The following DPP6 variants were observed in gnomAD, a reference collection of about 807,000 sequenced individuals.
The protein encoded by DPP6 is dipeptidyl peptidase like 6.
Under a neutral mutation model 122.6 loss-of-function variants are expected in DPP6, and 69 were observed. The ratio of observed to expected loss-of-function variants is 0.56; its 90% CI spans 0.46 to 0.69. The LOEUF is 0.69. Ranked by LOEUF, DPP6 falls within the 30% of genes least tolerant of loss-of-function variation. The probability of loss-of-function intolerance (pLI) is 0.00; values close to 1 mark genes in which losing one functional copy is unlikely to be tolerated. For synonymous variants in DPP6, 418 were observed against 433.1 expected (o/e 0.97, Z 0.43); for missense variants, 928 against 1,116.9 (o/e 0.83, Z 2.41).
chr7:154,733,050 A>C (rs1034106771), intron 8 of DPP6, among the ~76,000 whole-genome samples: 5 of 152,122 alleles, frequency 3.3e-5, no homozygotes, highest in African/African-American at 1.2e-4. Flanking sequence ...CCCTTCTCCC[A>C]GTCACAGCCC....
intron 17 of DPP6, among the ~76,000 whole-genome samples, chr7:154,862,313 T>G (rs1004172009): frequency 6.6e-6 from 1 of 152,204 alleles, no homozygotes; most frequent in Admixed American, 6.5e-5. Context: ...GCCAGCAGGC[T>G]CCTATGGATG....
At chr7:154,270,826 T>C (rs935711964) in intron 1 of DPP6, among the ~76,000 whole-genome samples, 1 of 152,268 alleles carries the variant, frequency 6.6e-6, no homozygotes, top group South Asian at 2.1e-4. Context: ...TGGGGCTCAG[T>C]CTGATTCCAA....
intron 1 of DPP6, among the ~76,000 whole-genome samples, chr7:154,376,702 G>C (rs145307369): frequency 8.5e-5 from 13 of 152,294 alleles, no homozygotes; most frequent in African/African-American, 3.1e-4. Context: ...GGCTACAGCA[G>C]ATCTGTCTAC....
At chr7:154,283,041 C>T (rs1218234127) in intron 1 of DPP6, among the ~76,000 whole-genome samples, 1 of 152,218 alleles carries the variant, frequency 6.6e-6, no homozygotes, top group African/African-American at 2.4e-5. Flanking sequence ...TACCTCCTAT[C>T]TCCAGTTCCT....
At chr7:154,710,411 G>A (rs1359440736) in intron 7 of DPP6, among the ~76,000 whole-genome samples, 20 of 152,208 alleles carry the variant, frequency 1.3e-4, no homozygotes, top group Admixed American at 3.9e-4. Flanking sequence ...GGTCAAATTC[G>A]CTGCAAAGAG....
chr7:153,773,147 G>A, the DPP6 span, among the ~76,000 whole-genome samples: 13 of 148,390 alleles, frequency 8.8e-5, no homozygotes, highest in Admixed American at 2.0e-4. Context: ...CTATGTATGC[G>A]TGCACCTAAT....
At chr7:154,242,811 C>T (rs1237847189) in intron 1 of DPP6, among the ~76,000 whole-genome samples, 1 of 152,190 alleles carries the variant, frequency 6.6e-6, no homozygotes, top group Non-Finnish European at 1.5e-5. Flanking sequence ...TGGTTTTTGG[C>T]TGAAGGCTGC....
At chr7:153,752,347 T>C in the DPP6 span, among the ~76,000 whole-genome samples, 24 of 150,028 alleles carry the variant, frequency 1.6e-4, 2 homozygotes, top group Middle Eastern at 6.9e-3. Flanking sequence ...CCTCCCAGGT[T>C]CAAGCGATTC....
At chr7:154,492,700 T>C (rs532417618) in intron 3 of DPP6, among the ~76,000 whole-genome samples, 1 of 152,314 alleles carries the variant, frequency 6.6e-6, no homozygotes, top group Admixed American at 6.5e-5. Flanking sequence ...ACAAGTCTCA[T>C]GGCTAGTGTC....
intron 1 of DPP6, among the ~76,000 whole-genome samples, chr7:153,975,170 G>A (rs778080405): frequency 2.6e-5 from 4 of 151,912 alleles, no homozygotes; most frequent in Non-Finnish European, 4.4e-5. Context: ...TGGGGAATTC[G>A]GGTGTATAGC....
At position 154,313,686 on chromosome 7, in the gene DPP6, T is replaced by TGTGTGTGTGTGTATGC. The variant is rs1491447277; in HGVS notation, c.244-132528_244-132527insGTGTGTGTGTGTATGC. On this transcript the variant is annotated intron_variant, in intron 1 of 25. Transcript: ENST00000377770. ...AGCAACAAGATATTTTAAGATATGG[T>TGTGTGTGTGTGTATGC]ATATATATATATATATATATATATA... is the stretch of plus-strand genomic sequence containing the variant. Among the ~76,000 whole-genome samples the TGTGTGTGTGTGTATGC allele has an allele frequency of 2.9e-3, 23 of 7,810 alleles. 1 individual carries two copies. The highest frequency in any genetic ancestry group is 5.0e-3 in the Admixed American group (5 of 1,002). The allele number at this position is 7,810 out of a possible 152,430, so 5.1% of individuals were successfully genotyped here.
At chr7:153,964,918 CTTTCTTTCTTTCTTTCTTTCTT>C (rs1477045116) in intron 1 of DPP6, among the ~76,000 whole-genome samples, 1 of 71,388 alleles carries the variant, frequency 1.4e-5, no homozygotes, top group East Asian at 9.8e-4. Flanking sequence ...CTTTTCCTTT[CTTTCTTTCTTTCTTTCTTTCTT>C]TTTCTTTCTT....
chr7:154,831,776 A>T (rs903776832), intron 16 of DPP6, among the ~76,000 whole-genome samples: 6 of 152,256 alleles, frequency 3.9e-5, no homozygotes, highest in African/African-American at 1.4e-4. Context: ...CAATTCATGT[A>T]ACTGAGGAAT....
intron 5 of DPP6, among the ~76,000 whole-genome samples, chr7:154,617,601 C>A (rs542598930): frequency 1.3e-5 from 2 of 152,104 alleles, no homozygotes; most frequent in African/African-American, 4.8e-5. Flanking sequence ...CATCCCTGCC[C>A]GTTGGTGACT....
At chr7:154,091,835 A>G (rs1321088623) in intron 1 of DPP6, among the ~76,000 whole-genome samples, 3 of 152,126 alleles carry the variant, frequency 2.0e-5, no homozygotes, top group Admixed American at 1.3e-4. Flanking sequence ...ACTGCCCAGC[A>G]TTTTGTTCAT....
At chr7:154,489,330 G>T (rs1328491312) in intron 3 of DPP6, among the ~76,000 whole-genome samples, 1 of 152,186 alleles carries the variant, frequency 6.6e-6, no homozygotes, top group East Asian at 1.9e-4. Flanking sequence ...GGGCCCTTTT[G>T]TGCAGGGCTG....
At chr7:154,372,614 G>A (rs1407771663) in intron 1 of DPP6, among the ~76,000 whole-genome samples, 1 of 152,168 alleles carries the variant, frequency 6.6e-6, no homozygotes, top group Non-Finnish European at 1.5e-5. Context: ...GCTTCCTGGG[G>A]AATAAAAAGG....
At position 154,638,136 on chromosome 7, in the gene DPP6, A is replaced by G. The variant is rs1532089; in HGVS notation, c.680+263A>G. On this transcript the variant is annotated intron_variant, in intron 6 of 25. Transcript: ENST00000377770. ...GCCCTCTTCCTGTGCTGGTTCCTGC[A>G]GTTGACCCTGGAGGTTCTTCAGAGC... Among the ~76,000 whole-genome samples the G allele has an allele frequency of 0.75, 114,365 of 152,080 alleles. 43,163 individuals carry two copies. The highest frequency in any genetic ancestry group is 0.92 in the East Asian group (4,723 of 5,152).
At chr7:154,311,227 C>T (rs1263798789) in intron 1 of DPP6, among the ~76,000 whole-genome samples, 2 of 152,192 alleles carry the variant, frequency 1.3e-5, no homozygotes, top group Non-Finnish European at 2.9e-5. Context: ...GAGCCGCGTG[C>T]AGTGGCTCAT....
Sources: gnomAD v4.1 joint callset for allele counts (sites outside exome capture counted in the v4.1 genomes callset) on GRCh38, gnomAD v4.1.1 for gene constraint, MANE v1.5 for transcripts, NCBI Gene and HGNC (gene_info 2026-07-23, HGNC 2026-07-21) for gene names.